Variants in ZNF503 observed in about 807,000 individuals in gnomAD.
ZNF503 encodes the protein zinc finger protein 503.
A neutral mutation model predicts 34.4 loss-of-function variants in ZNF503; 15 were observed. The observed-to-expected ratio is 0.44, with a 90% CI of 0.29 to 0.67. The LOEUF is 0.67. ZNF503 is among the 30% of genes least tolerant of loss of function. ZNF503 has a pLI of 0.13. For synonymous variants in ZNF503, 580 were observed against 456.8 expected (o/e 1.27, Z -3.44); for missense variants, 1,007 against 926.8 (o/e 1.09, Z -1.12).
At chr10:75,327,357 G>T in the ZNF503 span, among the ~76,000 whole-genome samples, 1 of 151,398 alleles carries the variant, frequency 6.6e-6, no homozygotes. Context: ...TTTAGTATTT[G>T]TATTTCTGTG....
At chr10:75,282,279 G>A in the ZNF503 span, among the ~76,000 whole-genome samples, 4 of 91,202 alleles carry the variant, frequency 4.4e-5, no homozygotes, top group African/African-American at 1.1e-4. Flanking sequence ...CTGCTGGGGA[G>A]GGTTCCTCTT....
At chr10:75,335,616 T>C in the ZNF503 span, among the ~76,000 whole-genome samples, 2 of 152,220 alleles carry the variant, frequency 1.3e-5, no homozygotes, top group Non-Finnish European at 2.9e-5. Flanking sequence ...TTTCTAACCA[T>C]AATTCTCCTT....
the ZNF503 span, among the ~76,000 whole-genome samples, chr10:75,342,286 G>T: frequency 6.6e-6 from 1 of 152,158 alleles, no homozygotes; most frequent in Non-Finnish European, 1.5e-5. Context: ...ACGAGGGTGG[G>T]TTTCAGCTCC....
chr10:75,308,428 A>G, the ZNF503 span, among the ~76,000 whole-genome samples: 1 of 152,216 alleles, frequency 6.6e-6, no homozygotes, highest in Admixed American at 6.5e-5. Context: ...CACAACAACC[A>G]TTCTTTAGCC....
chr10:75,399,469 C>A lies in ZNF503; in HGVS notation c.1221G>T (p.Pro407=). Residue 407 remains proline, a synonymous_variant, in exon 2 of 2, where the codon CCG becomes CCT. Coordinates refer to ENST00000372524, the MANE Select transcript of ZNF503 (RefSeq NM_032772.6). ...AAAGSLGCSK[P]AGSSPLAGAS... ...CTCCGGCCAAAGGGCTGGAGCCGGC[C>A]GGCTTACTGCAGCCCAGAGACCCGG... 3 of 1,581,510 alleles carry A rather than the reference C, an allele frequency of 1.9e-6. No homozygotes were observed. In the South Asian group the frequency reaches 3.4e-5, roughly 18 times the overall value.
chr10:75,308,193 A>ATTTTTT, the ZNF503 span, among the ~76,000 whole-genome samples: 1 of 57,646 alleles, frequency 1.7e-5, no homozygotes, highest in African/African-American at 9.2e-5. Context: ...GTGACAATAC[A>ATTTTTT]TCTTTTTTTT....
chr10:75,401,713 C>T lies in ZNF503; in HGVS notation c.-294G>A. The T allele has an allele frequency of 2.5e-6, 1 of 405,398 alleles. No homozygotes were observed. The highest frequency in any genetic ancestry group is 4.1e-5 in the South Asian group (1 of 24,156). 25.1% of individuals were successfully genotyped at this position (405,398 alleles called of 1,614,324 possible). A position where few individuals can be genotyped will look rare whatever the true frequency, so the allele number is the denominator to read the frequency against. On this transcript the variant is annotated 5_prime_UTR_variant, in exon 1 of 2. Coordinates refer to ENST00000372524, the MANE Select transcript of ZNF503 (RefSeq NM_032772.6). ...CCTGCGCTGCGTTCTCGCGGCCCCG[C>T]GCCGGCGCTGCGCTCTGCGATGCGA...
At chr10:75,375,131 C>T in the ZNF503 span, among the ~76,000 whole-genome samples, 1 of 152,080 alleles carries the variant, frequency 6.6e-6, no homozygotes, top group African/African-American at 2.4e-5. Context: ...GAGCACCCCT[C>T]TTTTTTTAAA....
chr10:75,357,037 A>G, the ZNF503 span, among the ~76,000 whole-genome samples: 5 of 152,288 alleles, frequency 3.3e-5, no homozygotes, highest in East Asian at 3.9e-4. Context: ...CCCTTCCGTA[A>G]GACTTGGAAA....
the ZNF503 span, among the ~76,000 whole-genome samples, chr10:75,299,678 G>C: frequency 6.6e-6 from 1 of 152,076 alleles, no homozygotes; most frequent in Non-Finnish European, 1.5e-5. Context: ...AGAAATAAAG[G>C]GACAGAGTAC....
rs1044655354 is a variant in ZNF503 at position 75,400,102 on chromosome 10, GCCACCGCCT to G, written c.579_587del (p.Gly202_Gly204del). The stretch of plus-strand genomic sequence containing the variant: ...CACCCCCGCCGCCGCCCCCGCCACC[GCCACCGCCT>G]CCACCGCCGCCTCCCGGCTCCTTCT... On this transcript the variant is annotated inframe_deletion, in exon 2 of 2. Transcript: ENST00000372524. The G allele has an allele frequency of 7.0e-5, 57 of 810,796 alleles. No homozygotes were observed. The highest frequency in any genetic ancestry group is 9.1e-5 in the Non-Finnish European group (52 of 574,018). 50.2% of individuals were successfully genotyped at this position (810,796 alleles called of 1,614,324 possible).
the ZNF503 span, chr10:75,361,364 T>G: frequency 6.6e-6 from 1 of 152,352 alleles, no homozygotes; most frequent in South Asian, 2.1e-4. Context: ...TCAAAAGTAC[T>G]GCCAAGCATT....
the ZNF503 span, among the ~76,000 whole-genome samples, chr10:75,355,592 C>A: frequency 6.6e-6 from 1 of 152,138 alleles, no homozygotes; most frequent in African/African-American, 2.4e-5. Flanking sequence ...AGTTCCAGGC[C>A]CCTCTCCCCT....
the ZNF503 span, among the ~76,000 whole-genome samples, chr10:75,385,960 G>A: frequency 1.3e-5 from 2 of 152,140 alleles, no homozygotes; most frequent in South Asian, 2.1e-4. Flanking sequence ...CAGCCCTGAC[G>A]CAATGCAGGC....
the ZNF503 span, among the ~76,000 whole-genome samples, chr10:75,283,073 G>A: frequency 6.6e-6 from 1 of 152,230 alleles, no homozygotes; most frequent in African/African-American, 2.4e-5. Flanking sequence ...TTATGTGACT[G>A]CCCTTAGAAA....
At chr10:75,394,871 G>A (rs1360896208), downstream of ZNF503, among the ~76,000 whole-genome samples, 1 of 152,188 alleles carries the variant, frequency 6.6e-6, no homozygotes, top group East Asian at 1.9e-4. Context: ...CAGCTCTCTC[G>A]GAGGCACACC....
the ZNF503 span, among the ~76,000 whole-genome samples, chr10:75,341,744 A>G: frequency 2.6e-5 from 4 of 152,230 alleles, no homozygotes; most frequent in African/African-American, 9.6e-5. Flanking sequence ...GTAACGAAAC[A>G]TTACTACAAA....
the ZNF503 span, among the ~76,000 whole-genome samples, chr10:75,315,318 C>A: frequency 6.6e-6 from 1 of 152,130 alleles, no homozygotes; most frequent in African/African-American, 2.4e-5. Flanking sequence ...TGTGATCATG[C>A]CACTGAATCC....
chr10:75,391,580 T>C, the ZNF503 span, among the ~76,000 whole-genome samples: 1 of 152,228 alleles, frequency 6.6e-6, no homozygotes. Flanking sequence ...AGCTGATGCA[T>C]GGAAGCTCCC....
Sources: allele counts gnomAD v4.1 joint callset (sites outside exome capture counted in the v4.1 genomes callset), GRCh38; gene constraint gnomAD v4.1.1; transcripts MANE v1.5; gene names NCBI Gene and HGNC (gene_info 2026-07-23, HGNC 2026-07-21).